The following EPHA6 variants were observed in gnomAD, a reference collection of about 807,000 sequenced individuals.
EPHA6 encodes ephrin type-A receptor 6.
In EPHA6, 50 loss-of-function variants were observed where a neutral mutation model predicts 112.0. The observed-to-expected ratio is 0.45, with a 90% CI of 0.36 to 0.56. The LOEUF (loss-of-function observed/expected upper bound fraction) is 0.56, where lower values mean the gene tolerates loss of function less well. EPHA6 is among the 20% of genes least tolerant of loss of function. EPHA6 has a pLI of 0.00. For missense variants in EPHA6, 1,280 were observed against 1,417.4 expected (o/e 0.90, Z 1.56); for synonymous variants, 529 against 490.7 (o/e 1.08, Z -1.03).
chr3:97,479,978 G>C (rs556158080), intron 9 of EPHA6, among the ~76,000 whole-genome samples: 4 of 152,196 alleles, frequency 2.6e-5, no homozygotes, highest in Admixed American at 1.3e-4. Flanking sequence ...ACTTCAGCAA[G>C]ACAGTTTTTC....
At chr3:97,036,617 G>A (rs1165771589) in intron 3 of EPHA6, among the ~76,000 whole-genome samples, 1 of 151,940 alleles carries the variant, frequency 6.6e-6, no homozygotes, top group Non-Finnish European at 1.5e-5. Flanking sequence ...TCAGTTCAAA[G>A]GAGAAGAGTC....
chr3:96,829,738 T>A (rs2033899001), intron 1 of EPHA6, among the ~76,000 whole-genome samples: 1 of 152,130 alleles, frequency 6.6e-6, no homozygotes, highest in Admixed American at 6.6e-5. Flanking sequence ...TTTTCAACAT[T>A]CTGACTTGAA....
At chr3:97,155,489 A>G (rs981040858) in intron 3 of EPHA6, among the ~76,000 whole-genome samples, 1 of 152,216 alleles carries the variant, frequency 6.6e-6, no homozygotes, top group African/African-American at 2.4e-5. Context: ...GCAGTTGCAT[A>G]ACAGATAATC....
At chr3:96,944,846 A>G (rs984426325) in intron 2 of EPHA6, among the ~76,000 whole-genome samples, 2 of 152,182 alleles carry the variant, frequency 1.3e-5, no homozygotes, top group African/African-American at 4.8e-5. Context: ...AGGCTGAGGC[A>G]GGAGAATTGC....
At chr3:96,975,354 C>T (rs1040174874) in intron 2 of EPHA6, among the ~76,000 whole-genome samples, 6 of 152,110 alleles carry the variant, frequency 3.9e-5, no homozygotes, top group African/African-American at 1.4e-4. Flanking sequence ...ATACCATCTC[C>T]TCTCAGCAAG....
chr3:97,143,480 C>T (rs927106903), intron 3 of EPHA6, among the ~76,000 whole-genome samples: 3 of 151,708 alleles, frequency 2.0e-5, no homozygotes, highest in Non-Finnish European at 4.4e-5. Context: ...TATCTGTATT[C>T]TCTTATGTTG....
chr3:97,376,747 A>G (rs1043404390), intron 5 of EPHA6, among the ~76,000 whole-genome samples: 1 of 152,218 alleles, frequency 6.6e-6, no homozygotes, highest in Admixed American at 6.5e-5. Flanking sequence ...TACTCAACAG[A>G]AAATTAGAAA....
intron 10 of EPHA6, among the ~76,000 whole-genome samples, chr3:97,496,023 G>C (rs554266037): frequency 2.0e-5 from 3 of 152,198 alleles, no homozygotes; most frequent in Admixed American, 2.0e-4. Context: ...CAAAATAACA[G>C]CTCTGTTGAC....
chr3:97,743,046 C>T (rs2035574526), intron 16 of EPHA6, among the ~76,000 whole-genome samples: 1 of 152,068 alleles, frequency 6.6e-6, no homozygotes, highest in African/African-American at 2.4e-5. Flanking sequence ...TACCCAACTC[C>T]ACCTATCACT....
chr3:96,840,469 A>G (rs1248318562), intron 1 of EPHA6, among the ~76,000 whole-genome samples: 4 of 152,122 alleles, frequency 2.6e-5, no homozygotes, highest in African/African-American at 9.7e-5. Flanking sequence ...CCACTCTCAC[A>G]GGAAGTTTAA....
chr3:97,511,749 C>T (rs2092367890), intron 10 of EPHA6, among the ~76,000 whole-genome samples: 1 of 152,082 alleles, frequency 6.6e-6, no homozygotes, highest in African/African-American at 2.4e-5. Flanking sequence ...GAACAATAAG[C>T]ACTTTCATTG....
intron 5 of EPHA6, among the ~76,000 whole-genome samples, chr3:97,350,162 T>C (rs2083736420): frequency 6.6e-6 from 1 of 152,026 alleles, no homozygotes; most frequent in Non-Finnish European, 1.5e-5. Context: ...AAGAATGAGA[T>C]ATCTGGAATA....
At chr3:96,998,063 C>T (rs548671813) in intron 3 of EPHA6, among the ~76,000 whole-genome samples, 7 of 151,818 alleles carry the variant, frequency 4.6e-5, no homozygotes, top group Non-Finnish European at 1.0e-4. Flanking sequence ...ATATTTTATT[C>T]TGTTAACTTT....
intron 11 of EPHA6, among the ~76,000 whole-genome samples, chr3:97,543,908 A>G (rs1422835718): frequency 6.6e-6 from 1 of 152,134 alleles, no homozygotes; most frequent in Non-Finnish European, 1.5e-5. Context: ...TTATTGGTGT[A>G]TAAGAATGCT....
intron 2 of EPHA6, among the ~76,000 whole-genome samples, chr3:96,973,110 G>GT (rs1382161573): frequency 6.6e-6 from 1 of 152,104 alleles, no homozygotes; most frequent in African/African-American, 2.4e-5. Context: ...AAGGAATCTG[G>GT]TTTTTTGGCC....
chr3:97,449,963 T>C (rs1191830435), intron 7 of EPHA6, among the ~76,000 whole-genome samples: 1 of 152,118 alleles, frequency 6.6e-6, no homozygotes, highest in Non-Finnish European at 1.5e-5. Context: ...GTTACAATTA[T>C]ATCTAACTAC....
At chr3:97,133,915 A>G (rs1002883038) in intron 3 of EPHA6, among the ~76,000 whole-genome samples, 2 of 152,022 alleles carry the variant, frequency 1.3e-5, no homozygotes, top group Non-Finnish European at 2.9e-5. Flanking sequence ...TTGATTGCAT[A>G]GTAGATTAAT....
At chr3:97,636,284 T>C (rs1343097028) in intron 13 of EPHA6, among the ~76,000 whole-genome samples, 3 of 152,172 alleles carry the variant, frequency 2.0e-5, no homozygotes, top group African/African-American at 7.2e-5. Context: ...AAAGAACTTA[T>C]ACTTTCAATT....
At chr3:97,545,408 G>T (rs1023675852) in intron 11 of EPHA6, among the ~76,000 whole-genome samples, 2 of 152,178 alleles carry the variant, frequency 1.3e-5, no homozygotes, top group African/African-American at 4.8e-5. Context: ...GCTCTAGTTT[G>T]ATTGTACTGT....
Sources: gnomAD v4.1 joint callset for allele counts (sites outside exome capture counted in the v4.1 genomes callset) on GRCh38, gnomAD v4.1.1 for gene constraint, MANE v1.5 for transcripts, NCBI Gene and HGNC (gene_info 2026-07-23, HGNC 2026-07-21) for gene names.